The following SYT9 variants were observed in gnomAD, a reference collection of about 807,000 sequenced individuals.
SYT9 encodes the protein synaptotagmin-9.
Under a neutral mutation model 48.4 loss-of-function variants are expected in SYT9, and 22 were observed. The observed-to-expected ratio is 0.45, with a 90% CI of 0.32 to 0.65. The LOEUF is 0.65. Among genes scored for constraint, SYT9 ranks in the 30% least tolerant of loss-of-function variants. The pLI is 0.03. For missense variants in SYT9, 577 were observed against 622.0 expected, an observed-to-expected ratio of 0.93 and a Z score of 0.77; for synonymous variants, 265 against 245.0, an observed-to-expected ratio of 1.08 and a Z score of -0.76.
At chr11:7,260,887 C>T (rs902123148) in intron 1 of SYT9, among the ~76,000 whole-genome samples, 1 of 152,190 alleles carries the variant, frequency 6.6e-6, no homozygotes. Flanking sequence ...CCAACAGTGA[C>T]ATCTTGCTTC....
At chr11:7,422,666 A>G (rs4369384) in intron 6 of SYT9, among the ~76,000 whole-genome samples, 97,622 of 152,144 alleles carry the variant, frequency 0.64, 33,057 homozygotes, top group Middle Eastern at 0.76. Flanking sequence ...TCAGGAAACA[A>G]GAAATGAGAA....
chr11:7,417,987 A>G lies in SYT9; in HGVS notation c.1196A>G (p.Asp399Gly). Residue 399 changes from aspartate to glycine, a missense_variant, in exon 5 of 7, where the codon GAT becomes GGT. By Grantham distance (94) the Asp-to-Gly change is moderately conservative. Coordinates refer to ENST00000318881, the MANE Select transcript of SYT9 (RefSeq NM_175733.4). ...TATGTGAAAGTCTCGCTGATGTGTG[A>G]TGGCAGACGACTGAAGAAGAGGAAA... is the stretch of plus-strand genomic sequence containing the variant. ...DPYVKVSLMC[D>G]GRRLKKRKTS... is the part of the protein sequence containing the mutation. 6.2e-7 allele frequency: 1 copy of G among 1,614,112 alleles called. No homozygotes were observed. The highest frequency in any genetic ancestry group is 8.5e-7 in the Non-Finnish European group (1 of 1,179,978).
At chr11:7,430,549 A>C (rs1388319627) in intron 6 of SYT9, among the ~76,000 whole-genome samples, 2 of 152,224 alleles carry the variant, frequency 1.3e-5, no homozygotes, top group African/African-American at 4.8e-5. Context: ...AAGAGCGGTC[A>C]TAAAACCAAT....
chr11:7,320,937 AAT>A (rs1236655826), intron 3 of SYT9, among the ~76,000 whole-genome samples: 7 of 152,140 alleles, frequency 4.6e-5, no homozygotes, highest in African/African-American at 1.7e-4. Flanking sequence ...GTTCTGGGTT[AAT>A]GTTGTCTGTC....
At chr11:7,453,043 A>G (rs886181046) in intron 6 of SYT9, among the ~76,000 whole-genome samples, 7 of 151,690 alleles carry the variant, frequency 4.6e-5, no homozygotes, top group Admixed American at 2.0e-4. Flanking sequence ...CGGCCTCCCA[A>G]AGTGCTGGGA....
intron 3 of SYT9, among the ~76,000 whole-genome samples, chr11:7,336,090 T>A (rs189366909): frequency 1.3e-5 from 2 of 152,320 alleles, no homozygotes; most frequent in East Asian, 3.9e-4. Flanking sequence ...TCTCTAATGA[T>A]CACTGATACT....
intron 6 of SYT9, among the ~76,000 whole-genome samples, chr11:7,458,766 A>G (rs1009797499): frequency 9.9e-5 from 15 of 152,148 alleles, no homozygotes; most frequent in South Asian, 4.1e-4. Context: ...AAAAAGAGAG[A>G]GAAGTAGGGG....
chr11:7,405,765 T>C (rs1466416623), intron 3 of SYT9, among the ~76,000 whole-genome samples: 1 of 152,156 alleles, frequency 6.6e-6, no homozygotes, highest in Admixed American at 6.5e-5. Flanking sequence ...AAATGGGATA[T>C]TTTACTATTT....
chr11:7,331,331 G>A (rs541848474), intron 3 of SYT9, among the ~76,000 whole-genome samples: 1 of 151,242 alleles, frequency 6.6e-6, no homozygotes, highest in South Asian at 2.1e-4. Context: ...AGAAGACTAG[G>A]ATCTAGTGGC....
chr11:7,416,142 T>C lies in SYT9; in HGVS notation c.1145T>C (p.Met382Thr). The C allele has an allele frequency of 6.2e-7, 1 of 1,614,142 alleles. No individual in the cohort carries two copies. The highest frequency in any genetic ancestry group is 8.5e-7 in the Non-Finnish European group (1 of 1,180,018). The change falls in exon 4 of 7, where the codon ATG becomes ACG. Residue 382 changes from methionine to threonine, a missense_variant. Transcript: ENST00000318881. ...ATAAAAGCAAGGAATTTAAAGGCAA[T>C]GGACATAACAGGAGCATCAGGTGGG... ...TIIKARNLKA[M>T]DITGASDPYV...
intron 1 of SYT9, among the ~76,000 whole-genome samples, chr11:7,296,627 A>G (rs1263271729): frequency 1.3e-5 from 2 of 152,036 alleles, no homozygotes; most frequent in Non-Finnish European, 2.9e-5. Flanking sequence ...TTTTTAGAGA[A>G]GTTTTAGTTT....
intron 2 of SYT9, among the ~76,000 whole-genome samples, chr11:7,311,447 C>T (rs1849132377): frequency 1.3e-5 from 2 of 152,208 alleles, no homozygotes. Flanking sequence ...GCACAGTCTG[C>T]CCAGCAACCA....
At chr11:7,357,101 CAGA>C (rs573083936) in intron 3 of SYT9, among the ~76,000 whole-genome samples, 62 of 152,162 alleles carry the variant, frequency 4.1e-4, no homozygotes, top group Middle Eastern at 3.4e-3. Context: ...TAGAAAGTAC[CAGA>C]AGAAGAGGAT....
chr11:7,269,237 T>G (rs149769986), intron 1 of SYT9, among the ~76,000 whole-genome samples: 209 of 152,128 alleles, frequency 1.4e-3, no homozygotes, highest in Middle Eastern at 3.4e-3. Flanking sequence ...AATGGGCTAT[T>G]CAGCAAATGG....
chr11:7,443,075 G>A (rs1209841266), intron 6 of SYT9, among the ~76,000 whole-genome samples: 2 of 152,142 alleles, frequency 1.3e-5, no homozygotes, highest in Non-Finnish European at 1.5e-5. Context: ...GGGAATGAGT[G>A]GATTCTGGTG....
intron 1 of SYT9, among the ~76,000 whole-genome samples, chr11:7,262,430 G>A (rs1300367089): frequency 6.6e-6 from 1 of 152,090 alleles, no homozygotes; most frequent in Non-Finnish European, 1.5e-5. Flanking sequence ...ATGTGATATG[G>A]GTCTGGCTGA....
chr11:7,454,075 G>A (rs1202180723), intron 6 of SYT9: 1 of 985,292 alleles, frequency 1.0e-6, no homozygotes, highest in African/African-American at 1.7e-5. Flanking sequence ...GTCCAGGTGA[G>A]TCGCCCCTTT....
At chr11:7,244,482 T>C (rs1350961218) in intron 1 of SYT9, among the ~76,000 whole-genome samples, 1 of 152,226 alleles carries the variant, frequency 6.6e-6, no homozygotes, top group African/African-American at 2.4e-5. Context: ...ACAGTGATAG[T>C]CACAGAACAT....
intron 1 of SYT9, among the ~76,000 whole-genome samples, chr11:7,283,527 G>T (rs778879461): frequency 2.0e-5 from 3 of 151,966 alleles, no homozygotes; most frequent in Non-Finnish European, 2.9e-5. Context: ...TCAAAGAAAA[G>T]AACATTACCC....
Sources: gnomAD v4.1 joint callset for allele counts (sites outside exome capture counted in the v4.1 genomes callset) on GRCh38, gnomAD v4.1.1 for gene constraint, MANE v1.5 for transcripts, NCBI Gene and HGNC (gene_info 2026-07-23, HGNC 2026-07-21) for gene names.